SLX4IP: variants seen among roughly 807,000 people sequenced by gnomAD.
SLX4IP encodes the protein SLX4 interacting protein, also known as protein SLX4IP.
A neutral mutation model predicts 32.9 loss-of-function variants in SLX4IP; 34 were observed. The observed-to-expected ratio is 1.03, with a 90% CI of 0.79 to 1.38. SLX4IP has a LOEUF of 1.38. SLX4IP is among the 40% of genes most tolerant of loss of function. SLX4IP has a pLI of 0.00. For synonymous variants in SLX4IP, 172 were observed against 171.7 expected (o/e 1.00, Z -0.01); for missense variants, 444 against 479.0 (o/e 0.93, Z 0.68).
At chr20:10,585,625 C>T (rs1308259672) in intron 4 of SLX4IP, among the ~76,000 whole-genome samples, 1 of 151,628 alleles carries the variant, frequency 6.6e-6, no homozygotes, top group Non-Finnish European at 1.5e-5. Context: ...CTCTGTCACC[C>T]AGGCTGGATG....
At chr20:10,488,270 G>A (rs1201380272) in intron 2 of SLX4IP, among the ~76,000 whole-genome samples, 1 of 152,180 alleles carries the variant, frequency 6.6e-6, no homozygotes, top group Non-Finnish European at 1.5e-5. Context: ...CCTATAGAAA[G>A]GGGACATTTG....
At chr20:10,600,822 T>G (rs1337351600) in intron 5 of SLX4IP, among the ~76,000 whole-genome samples, 3 of 152,078 alleles carry the variant, frequency 2.0e-5, no homozygotes, top group South Asian at 2.1e-4. Flanking sequence ...ATATCAGACA[T>G]GTATATCATA....
chr20:10,520,131 A>G (rs1176006970), intron 2 of SLX4IP, among the ~76,000 whole-genome samples: 4 of 151,476 alleles, frequency 2.6e-5, no homozygotes, highest in Admixed American at 2.6e-4. Flanking sequence ...GCTCACTGCT[A>G]CCTCCGCCTC....
chr20:10,567,122 T>C (rs2066404390), intron 4 of SLX4IP, among the ~76,000 whole-genome samples: 1 of 152,142 alleles, frequency 6.6e-6, no homozygotes, highest in Non-Finnish European at 1.5e-5. Flanking sequence ...CATCCATGCC[T>C]CCATGGCCAC....
At chr20:10,593,512 A>G (rs1202353065) in intron 4 of SLX4IP, among the ~76,000 whole-genome samples, 4 of 152,306 alleles carry the variant, frequency 2.6e-5, no homozygotes, top group South Asian at 4.1e-4. Context: ...AGGCAGCAGG[A>G]TCGCTTGAGC....
intron 6 of SLX4IP, chr20:10,613,673 T>C (rs2122562749): frequency 6.2e-7 from 1 of 1,613,854 alleles, no homozygotes; most frequent in South Asian, 1.1e-5. Flanking sequence ...TCTTTTGTGT[T>C]GATTCTTTGA....
intron 3 of SLX4IP, among the ~76,000 whole-genome samples, chr20:10,556,808 TC>T (rs2066271654): frequency 6.6e-6 from 1 of 152,218 alleles, no homozygotes; most frequent in East Asian, 1.9e-4. Context: ...TTGACGGTGT[TC>T]CTTCTCACAA....
At chr20:10,554,854 T>A (rs1022182519) in intron 2 of SLX4IP, among the ~76,000 whole-genome samples, 2 of 152,194 alleles carry the variant, frequency 1.3e-5, no homozygotes, top group Non-Finnish European at 2.9e-5. Flanking sequence ...CAGATACATG[T>A]ATTTTTGAAT....
chr20:10,588,720 G>T (rs2066673580), intron 4 of SLX4IP, among the ~76,000 whole-genome samples: 1 of 152,208 alleles, frequency 6.6e-6, no homozygotes, highest in South Asian at 2.1e-4. Flanking sequence ...CATAAAAGCA[G>T]AGAGTAGAAT....
chr20:10,447,159 A>G (rs2065209004), intron 1 of SLX4IP, among the ~76,000 whole-genome samples: 1 of 152,188 alleles, frequency 6.6e-6, no homozygotes, highest in Admixed American at 6.5e-5. Flanking sequence ...TGAATGAGTC[A>G]TCTCTTCATT....
At chr20:10,469,440 A>G (rs2065405953) in intron 2 of SLX4IP, among the ~76,000 whole-genome samples, 1 of 152,170 alleles carries the variant, frequency 6.6e-6, no homozygotes, top group Non-Finnish European at 1.5e-5. Flanking sequence ...CAATCCATAG[A>G]ATTTGCTTCT....
At chr20:10,523,717 C>T (rs997829819) in intron 2 of SLX4IP, among the ~76,000 whole-genome samples, 7 of 152,170 alleles carry the variant, frequency 4.6e-5, no homozygotes, top group Admixed American at 2.0e-4. Context: ...GGAGATGATA[C>T]GTCAGAACTG....
intron 2 of SLX4IP, among the ~76,000 whole-genome samples, chr20:10,519,759 G>A (rs996072297): frequency 4.6e-5 from 7 of 152,164 alleles, no homozygotes; most frequent in Admixed American, 2.6e-4. Flanking sequence ...TTGCTAAGTC[G>A]TATGGTGACT....
chr20:10,590,608 G>A (rs981707158), intron 4 of SLX4IP, among the ~76,000 whole-genome samples: 2 of 151,978 alleles, frequency 1.3e-5, no homozygotes, highest in African/African-American at 2.4e-5. Flanking sequence ...CATTCCACTC[G>A]CCTCAGCCTC....
chr20:10,448,819 T>C (rs1209837324), intron 1 of SLX4IP, among the ~76,000 whole-genome samples: 1 of 152,222 alleles, frequency 6.6e-6, no homozygotes, highest in Non-Finnish European at 1.5e-5. Context: ...ATATATGGTA[T>C]TTTTATGAAC....
At chr20:10,483,768 A>G (rs968149772) in intron 2 of SLX4IP, among the ~76,000 whole-genome samples, 28 of 149,866 alleles carry the variant, frequency 1.9e-4, no homozygotes, top group African/African-American at 6.1e-4. Context: ...CAGCAGAAGC[A>G]TTAGTTCATT....
chr20:10,453,332 G>A (rs965528051), intron 1 of SLX4IP, among the ~76,000 whole-genome samples: 5 of 151,728 alleles, frequency 3.3e-5, no homozygotes, highest in African/African-American at 9.7e-5. Flanking sequence ...GTGTGTGTGT[G>A]TAGATCTTCC....
intron 1 of SLX4IP, among the ~76,000 whole-genome samples, chr20:10,453,091 G>C (rs1013877146): frequency 6.6e-6 from 1 of 151,844 alleles, no homozygotes; most frequent in Non-Finnish European, 1.5e-5. Context: ...TAATATCATC[G>C]TAAGCATAAT....
At chr20:10,599,289 C>T (rs947933681) in intron 5 of SLX4IP, among the ~76,000 whole-genome samples, 3 of 152,094 alleles carry the variant, frequency 2.0e-5, no homozygotes, top group South Asian at 2.1e-4. Context: ...AGTTCACCTT[C>T]CATGGACAAT....
Sources: gnomAD v4.1 joint callset for allele counts (sites outside exome capture counted in the v4.1 genomes callset) on GRCh38, gnomAD v4.1.1 for gene constraint, MANE v1.5 for transcripts, NCBI Gene and HGNC (gene_info 2026-07-23, HGNC 2026-07-21) for gene names.